Variants in SLC35D4 observed in about 807,000 individuals in gnomAD.
SLC35D4 encodes solute carrier family 35 member D4.
the SLC35D4 span, among the ~76,000 whole-genome samples, chr18:23,433,267 C>T: frequency 2.0e-4 from 31 of 152,058 alleles, no homozygotes; most frequent in Non-Finnish European, 4.6e-4. Context: ...GATGATCCAC[C>T]TGTCTTGGTC....
the SLC35D4 span, among the ~76,000 whole-genome samples, chr18:23,383,940 TA>T: frequency 1.6e-5 from 2 of 125,530 alleles, no homozygotes; most frequent in African/African-American, 3.0e-5. Context: ...TGCACACCTG[TA>T]AAAAGCATGT....
At chr18:23,407,742 G>C in the SLC35D4 span, among the ~76,000 whole-genome samples, 1 of 152,074 alleles carries the variant, frequency 6.6e-6, no homozygotes. Context: ...CCAATAGAGG[G>C]GATAATGAAA....
chr18:23,298,906 C>G, the SLC35D4 span, among the ~76,000 whole-genome samples: 1 of 152,230 alleles, frequency 6.6e-6, no homozygotes, highest in African/African-American at 2.4e-5. Context: ...CATACGCTCA[C>G]CTGCAACACA....
chr18:23,407,180 T>C, the SLC35D4 span, among the ~76,000 whole-genome samples: 3 of 152,196 alleles, frequency 2.0e-5, no homozygotes, highest in African/African-American at 7.2e-5. Flanking sequence ...GAACTCACTT[T>C]TTTCATTTAT....
chr18:23,389,388 G>C, the SLC35D4 span, among the ~76,000 whole-genome samples: 1 of 152,052 alleles, frequency 6.6e-6, no homozygotes, highest in Non-Finnish European at 1.5e-5. Context: ...TTTTAAAAAG[G>C]CTTTCTTCTA....
At chr18:23,368,170 G>A in the SLC35D4 span, among the ~76,000 whole-genome samples, 3,949 of 152,264 alleles carry the variant, frequency 0.026, 167 homozygotes, top group African/African-American at 0.089. Context: ...GAATGTAGCA[G>A]CCCAGGGCAG....
At chr18:23,383,510 G>A in the SLC35D4 span, among the ~76,000 whole-genome samples, 37 of 152,006 alleles carry the variant, frequency 2.4e-4, no homozygotes, top group African/African-American at 8.9e-4. Context: ...CAGTTTCAGG[G>A]GAACGGCGGG....
the SLC35D4 span, among the ~76,000 whole-genome samples, chr18:23,372,163 C>A: frequency 6.6e-6 from 1 of 151,214 alleles, no homozygotes; most frequent in East Asian, 1.9e-4. Context: ...GTCTCGATCT[C>A]CTGACCTCGT....
At chr18:23,371,530 G>T in the SLC35D4 span, 1 of 1,398,992 alleles carries the variant, frequency 7.1e-7, no homozygotes, top group Non-Finnish European at 9.8e-7. Context: ...ATGGAATCCA[G>T]TGTGGCCATC....
chr18:23,421,514 G>T, the SLC35D4 span: 1 of 1,411,372 alleles, frequency 7.1e-7, no homozygotes, highest in Non-Finnish European at 1.0e-6. Context: ...AGCCCCAGCA[G>T]ATCTGCTGAC....
At chr18:23,238,788 G>A in the SLC35D4 span, among the ~76,000 whole-genome samples, 1 of 152,192 alleles carries the variant, frequency 6.6e-6, no homozygotes, top group Non-Finnish European at 1.5e-5. Flanking sequence ...ACAGGAAATG[G>A]GGGATCCAGG....
chr18:23,399,704 T>G, the SLC35D4 span: 1 of 1,566,196 alleles, frequency 6.4e-7, no homozygotes, highest in Non-Finnish European at 8.8e-7. Flanking sequence ...AAGAAAGACC[T>G]AGCTGGAAAG....
the SLC35D4 span, among the ~76,000 whole-genome samples, chr18:23,329,261 G>A: frequency 1.8e-4 from 28 of 152,166 alleles, no homozygotes; most frequent in African/African-American, 6.5e-4. Context: ...CCATCAGAGT[G>A]AACAGGCAAC....
the SLC35D4 span, among the ~76,000 whole-genome samples, chr18:23,318,195 C>T: frequency 1.3e-5 from 2 of 152,206 alleles, no homozygotes; most frequent in African/African-American, 4.8e-5. Context: ...ACTAATGACA[C>T]TAAGCATCTT....
At chr18:23,348,594 T>C in the SLC35D4 span, among the ~76,000 whole-genome samples, 1 of 152,244 alleles carries the variant, frequency 6.6e-6, no homozygotes, top group African/African-American at 2.4e-5. Context: ...TCCCTATTTT[T>C]TCTCTAGTAA....
chr18:23,340,333 TA>T, the SLC35D4 span, among the ~76,000 whole-genome samples: 6 of 145,838 alleles, frequency 4.1e-5, no homozygotes, highest in African/African-American at 1.0e-4. Context: ...ATCCTGTCTC[TA>T]AAAAAAAAAC....
the SLC35D4 span, among the ~76,000 whole-genome samples, chr18:23,429,313 A>G: frequency 6.6e-6 from 1 of 152,190 alleles, no homozygotes; most frequent in Non-Finnish European, 1.5e-5. Context: ...TCCTACCAAC[A>G]GTGTATAAAC....
chr18:23,243,222 G>GCTTATTCAGTT, the SLC35D4 span, among the ~76,000 whole-genome samples: 1 of 152,006 alleles, frequency 6.6e-6, no homozygotes, highest in Non-Finnish European at 1.5e-5. Context: ...GGTGCCTGAG[G>GCTTATTCAGTT]CTTATTCAGT....
chr18:23,389,243 C>T, the SLC35D4 span, among the ~76,000 whole-genome samples: 1 of 152,150 alleles, frequency 6.6e-6, no homozygotes, highest in Non-Finnish European at 1.5e-5. Context: ...CCAGCCTTAG[C>T]CTCCCAAAGT....
Sources: gnomAD v4.1 joint callset for allele counts (sites outside exome capture counted in the v4.1 genomes callset) on GRCh38, gnomAD v4.1.1 for gene constraint, MANE v1.5 for transcripts, NCBI Gene and HGNC (gene_info 2026-07-23, HGNC 2026-07-21) for gene names.